CEP350: variants seen among roughly 807,000 people sequenced by gnomAD.
CEP350 encodes the protein centrosomal protein 350, also known as centrosome-associated protein 350.
Under a neutral mutation model 331.8 loss-of-function variants are expected in CEP350, and 126 were observed. That is an observed-to-expected ratio of 0.38 (90% CI 0.33 to 0.44). CEP350 has a LOEUF of 0.44. CEP350 is among the 20% of genes least tolerant of loss of function. The pLI is 1.00. For synonymous variants in CEP350, 1,200 were observed against 1,259.5 expected, an observed-to-expected ratio of 0.95 and a Z score of 1.00; for missense variants, 3,406 against 3,634.6, an observed-to-expected ratio of 0.94 and a Z score of 1.62.
chr1:180,041,257 T>C lies in CEP350; in HGVS notation c.4221+9T>C. 5 of 1,552,732 alleles carry C rather than the reference T, an allele frequency of 3.2e-6. No homozygotes were observed. The highest frequency in any genetic ancestry group is 1.2e-5 in the South Asian group (1 of 80,604). ...GAAACAAAGCAGCTCAGGTAACTTA[T>C]TTTGCAGCAGGTTCTTGTTTTTTAA... On this transcript the variant is annotated intron_variant, in intron 18 of 37. Coordinates refer to ENST00000367607, the MANE Select transcript of CEP350 (RefSeq NM_014810.5).
At chr1:180,099,811 A>T (rs1660699169) in intron 37 of CEP350, among the ~76,000 whole-genome samples, 1 of 136,030 alleles carries the variant, frequency 7.4e-6, no homozygotes. Context: ...TTTGAGACAC[A>T]GTCTCGCTCT....
chr1:179,959,447 A>C (rs112666620), intron 1 of CEP350, among the ~76,000 whole-genome samples: 1,587 of 151,770 alleles, frequency 0.01, 29 homozygotes, highest in African/African-American at 0.034. Context: ...GCAAGACTCC[A>C]TCTCAAAACA....
chr1:179,954,949 C>A lies in CEP350; in HGVS notation c.-207C>A. 9.7e-7 allele frequency: 1 copy of A among 1,035,996 alleles called. No homozygotes were observed. Among genetic ancestry groups the A allele is most frequent in the Non-Finnish European group, 1.3e-6 (1 of 779,606 alleles). 64.2% of individuals were successfully genotyped at this position (1,035,996 alleles called of 1,614,324 possible). A position where few individuals can be genotyped will look rare whatever the true frequency, so the allele number is the denominator to read the frequency against. ...GCTTGCCCTGAGGGAGGGGAGGCAG[C>A]CTTTCCGCCTTGTCTTCCTTCCCAG... On this transcript the variant is annotated 5_prime_UTR_variant, in exon 1 of 38. Coordinates refer to ENST00000367607, the MANE Select transcript of CEP350 (RefSeq NM_014810.5).
At chr1:179,990,978 A>G (rs1653011772) in intron 4 of CEP350, among the ~76,000 whole-genome samples, 1 of 152,096 alleles carries the variant, frequency 6.6e-6, no homozygotes, top group Admixed American at 6.5e-5. Context: ...GATATTTGGT[A>G]GCTATGAAGC....
At chr1:180,092,519 T>TTCACTAAAATTTGGCTTTTC in intron 33 of CEP350, 95 bp from the exon 34 acceptor site, 1 of 876,074 alleles carries the variant, frequency 1.1e-6, no homozygotes, top group East Asian at 2.7e-5. Context: ...AGGGGTTTTT[T>TTCACTAAAATTTGGCTTTTC]TCACTAAAAT....
chr1:180,071,795 C>T (rs1408231161), intron 27 of CEP350, among the ~76,000 whole-genome samples: 1 of 151,158 alleles, frequency 6.6e-6, no homozygotes, highest in Non-Finnish European at 1.5e-5. Context: ...AAAAAAAGAG[C>T]GAATTAAGTA....
In CEP350 at chr1:179,956,167, A is replaced by G. The variant is rs148606192; in HGVS notation, c.-14+1025A>G. ...GAGGGATTGTTAGACCCATGCTGGA[A>G]GTTGCTTCAAAGCCATGGGCGTATA... On this transcript the variant is annotated intron_variant, in intron 1 of 37. Coordinates refer to ENST00000367607, the MANE Select transcript of CEP350 (RefSeq NM_014810.5). Among the ~76,000 whole-genome samples the G allele has an allele frequency of 2.0e-5, 3 of 152,318 alleles. No individual in the cohort carries two copies. In the East Asian group the frequency reaches 5.8e-4, roughly 29 times the overall value.
chr1:180,045,991 T>G (rs186671987), intron 21 of CEP350, among the ~76,000 whole-genome samples: 1 of 152,212 alleles, frequency 6.6e-6, no homozygotes, highest in African/African-American at 2.4e-5. Flanking sequence ...ATACCTTCTT[T>G]CTAGACCATC....
chr1:180,084,318 A>T, intron 31 of CEP350, 140 bp downstream of exon 31: 1 of 697,074 alleles, frequency 1.4e-6, no homozygotes, highest in Non-Finnish European at 2.1e-6. Context: ...TCTTAAAAAA[A>T]ATCTGAGGGT....
chr1:180,044,056 G>A lies in CEP350; in HGVS notation c.4505G>A (p.Ser1502Asn). The A allele has an allele frequency of 6.5e-7, 1 of 1,530,838 alleles. No individual in the cohort carries two copies. Among genetic ancestry groups the A allele is most frequent in the East Asian group, 2.4e-5 (1 of 40,960 alleles). The allele number at this position is 1,530,838 out of a possible 1,614,324, so 94.8% of individuals were successfully genotyped here. Residue 1502 changes from serine (S) to asparagine (N), a missense_variant, in exon 21 of 38, where the codon AGT (serine) becomes AAT (asparagine). Coordinates refer to ENST00000367607, the MANE Select transcript of CEP350 (RefSeq NM_014810.5). ...LRTRTETDRK[S>N]PSVSLSQSKE... ...AGTTTTTATTTTATTTGTAGGAAAAGTCCATCTGTTTCACTCTCTCAGAGT... is the reference window on the plus strand; with the variant it reads ...AGTTTTTATTTTATTTGTAGGAAAAATCCATCTGTTTCACTCTCTCAGAGT...
chr1:180,090,913 T>C, intron 33 of CEP350, 117 bp downstream of exon 33: 2 of 812,272 alleles, frequency 2.5e-6, no homozygotes, highest in Non-Finnish European at 3.4e-6. Flanking sequence ...CTTAAGTAGA[T>C]TATTTAACAT....
rs1228254059 is a variant in CEP350, at chr1:180,094,387, T to A, written c.8282T>A (p.Val2761Asp). 3 of 1,613,662 alleles carry A rather than the reference T, an allele frequency of 1.9e-6. No homozygotes were observed. In the East Asian group the frequency reaches 6.7e-5, roughly 36 times the overall value. Residue 2761 changes from valine to aspartate, a missense_variant, in exon 34 of 38, where the codon GTC (valine) becomes GAC (aspartate). Physicochemically the swap from Val to Asp is radical, Grantham distance 152. Transcript: ENST00000367607. ...TTACTGACAGACAGTTTACTAAAAG[T>A]CTTTGTAAAGGACACAGTCAATCAA... ...ISLLTDSLLK[V>D]FVKDTVNQLQ...
At position 180,031,391 on chromosome 1, in the gene CEP350, C is replaced by T. The variant is rs1302486302; in HGVS notation, c.3622C>T (p.Gln1208Ter). ...GGAAAAAGCAGAACGTGGCTCCCATCAAGGAAAGAAATCTGGGACCAGCAG... is the reference window on the plus strand; with the variant it reads ...GGAAAAAGCAGAACGTGGCTCCCATTAAGGAAAGAAATCTGGGACCAGCAG... ...DEEKAERGSH[Q>*]GKKSGTSSKL... The change falls in exon 15 of 38, where the codon CAA becomes TAA. Residue 1208 changes from glutamine (Q) to a stop codon, truncating the protein, a stop_gained. Coordinates refer to ENST00000367607, the MANE Select transcript of CEP350 (RefSeq NM_014810.5). LOFTEE classifies it high-confidence loss of function. The T allele has an allele frequency of 6.2e-7, 1 of 1,607,542 alleles. No homozygotes were observed. The highest frequency in any genetic ancestry group is 8.5e-7 in the Non-Finnish European group (1 of 1,175,612).
At chr1:180,088,230 C>A (rs1659974262) in intron 32 of CEP350, among the ~76,000 whole-genome samples, 1 of 151,968 alleles carries the variant, frequency 6.6e-6, no homozygotes, top group Non-Finnish European at 1.5e-5. Flanking sequence ...CGGTTCTCTG[C>A]AAGCGATGTA....
chr1:180,037,378 C>A (rs537452437), intron 17 of CEP350, among the ~76,000 whole-genome samples: 1 of 148,220 alleles, frequency 6.7e-6, no homozygotes, highest in Non-Finnish European at 1.5e-5. Flanking sequence ...TTAATATTTT[C>A]TCCTTTCATT....
Position 179,982,035 on chromosome 1 carries a change from A to C in CEP350, c.-13-4134A>C, listed in dbSNP as rs115967465. Among the ~76,000 whole-genome samples the C allele has an allele frequency of 2.9e-3, 434 of 152,222 alleles. 1 individual carries two copies. The highest frequency in any genetic ancestry group is 0.01 in the African/African-American group (417 of 41,530). ...CTCAAAAACTAGAATTATAAACCTA[A>C]AACAGGGCATAATTCATGTTATCTG... On this transcript the variant is annotated intron_variant, in intron 1 of 37. Transcript: ENST00000367607.
intron 1 of CEP350, among the ~76,000 whole-genome samples, chr1:179,963,569 C>CT (rs1650787125): frequency 6.6e-6 from 1 of 150,436 alleles, no homozygotes; most frequent in Non-Finnish European, 1.5e-5. Context: ...GTTTTTTTTT[C>CT]TTTTTAGCAC....
chr1:180,099,682 A>G (rs1321721217), intron 37 of CEP350, among the ~76,000 whole-genome samples: 1 of 152,024 alleles, frequency 6.6e-6, no homozygotes, highest in Non-Finnish European at 1.5e-5. Flanking sequence ...CACCGTTCTC[A>G]TGTATGTACC....
At chr1:180,035,728 C>A (rs1656305989) in intron 16 of CEP350, among the ~76,000 whole-genome samples, 1 of 151,976 alleles carries the variant, frequency 6.6e-6, no homozygotes, top group South Asian at 2.1e-4. Context: ...AATATTTATT[C>A]CTGCTTATTG....
Sources: allele counts gnomAD v4.1 joint callset (sites outside exome capture counted in the v4.1 genomes callset), GRCh38; gene constraint gnomAD v4.1.1; transcripts MANE v1.5; gene names NCBI Gene and HGNC (gene_info 2026-07-23, HGNC 2026-07-21).